The following LOC128071544 variants were observed in gnomAD, a reference collection of about 807,000 sequenced individuals.
At chr1:147,611,769 C>A in the LOC128071544 span, 1 of 1,524,644 alleles carries the variant, frequency 6.6e-7, no homozygotes, top group South Asian at 1.1e-5. Context: ...GCAGCTGTTT[C>A]TGCTGCAACC....
the LOC128071544 span, chr1:147,611,740 GCCAGTGCCACTGCCC>G: frequency 5.8e-6 from 7 of 1,204,022 alleles, no homozygotes; most frequent in Non-Finnish European, 8.6e-6. Context: ...CAAGCAGTGG[GCCAGTGCCACTGCCC>G]CCAGCAGCTG....
chr1:147,611,791 C>CG, the LOC128071544 span: 1 of 1,594,112 alleles, frequency 6.3e-7, no homozygotes, highest in Non-Finnish European at 8.6e-7. Context: ...GAGAGGAACT[C>CG]GGTGAGCCTG....
the LOC128071544 span, chr1:147,611,775 C>A: frequency 4.5e-6 from 7 of 1,551,570 alleles, no homozygotes; most frequent in Non-Finnish European, 6.2e-6. Context: ...GTTTCTGCTG[C>A]AACCCGAGAG....
At chr1:147,611,605 C>G in the LOC128071544 span, 2 of 552,320 alleles carry the variant, frequency 3.6e-6, no homozygotes, top group Non-Finnish European at 3.3e-6. Context: ...AGATTTTCCT[C>G]TGGCAGCAGG....
the LOC128071544 span, chr1:147,611,713 C>G: frequency 1.1e-6 from 1 of 898,440 alleles, no homozygotes; most frequent in Admixed American, 2.0e-5. Flanking sequence ...GCAGCGAGCG[C>G]TAAGGGACGC....
chr1:147,611,758 A>C, the LOC128071544 span: 5 of 1,429,082 alleles, frequency 3.5e-6, no homozygotes, highest in Admixed American at 8.4e-5. Context: ...CACTGCCCCC[A>C]GCAGCTGTTT....
At chr1:147,611,643 T>C in the LOC128071544 span, 1 of 587,550 alleles carries the variant, frequency 1.7e-6, no homozygotes, top group South Asian at 2.3e-5. Context: ...ATGCTGGAGC[T>C]GCAAGGGGAA....
chr1:147,611,750 C>T, the LOC128071544 span: 1 of 1,364,714 alleles, frequency 7.3e-7, no homozygotes, highest in African/African-American at 1.4e-5. Context: ...GCCAGTGCCA[C>T]TGCCCCCAGC....
the LOC128071544 span, chr1:147,611,711 C>A: frequency 1.2e-6 from 1 of 850,832 alleles, no homozygotes; most frequent in Non-Finnish European, 2.0e-6. Flanking sequence ...AGGCAGCGAG[C>A]GCTAAGGGAC....
the LOC128071544 span, chr1:147,611,708 G>C: frequency 1.2e-6 from 1 of 811,420 alleles, no homozygotes; most frequent in Middle Eastern, 3.1e-4. Context: ...TACAGGCAGC[G>C]AGCGCTAAGG....
chr1:147,611,708 GAGCGCTAAGGGACGCACCCAGCA>G, the LOC128071544 span: 1 of 811,420 alleles, frequency 1.2e-6, no homozygotes, highest in Non-Finnish European at 2.1e-6. Flanking sequence ...TACAGGCAGC[GAGCGCTAAGGGACGCACCCAGCA>G]AGCAGTGGGC....
the LOC128071544 span, chr1:147,611,700 C>T: frequency 4.0e-6 from 3 of 743,762 alleles, no homozygotes; most frequent in Non-Finnish European, 7.0e-6. Flanking sequence ...AAAAGGCATA[C>T]AGGCAGCGAG....
the LOC128071544 span, chr1:147,611,607 G>A: frequency 3.6e-6 from 2 of 551,038 alleles, no homozygotes; most frequent in Admixed American, 3.1e-5. Context: ...ATTTTCCTCT[G>A]GCAGCAGGAG....
the LOC128071544 span, chr1:147,611,712 G>T: frequency 1.2e-6 from 1 of 866,732 alleles, no homozygotes; most frequent in Admixed American, 2.0e-5. Flanking sequence ...GGCAGCGAGC[G>T]CTAAGGGACG....
At chr1:147,611,742 C>T in the LOC128071544 span, 1 of 1,232,302 alleles carries the variant, frequency 8.1e-7, no homozygotes, top group African/African-American at 1.5e-5. Context: ...AGCAGTGGGC[C>T]AGTGCCACTG....
chr1:147,611,696 C>A, the LOC128071544 span: 47 of 715,874 alleles, frequency 6.6e-5, 1 homozygote, highest in Middle Eastern at 1.8e-3. Context: ...AGGAAAAAGG[C>A]ATACAGGCAG....
the LOC128071544 span, chr1:147,611,781 G>A: frequency 1.7e-5 from 26 of 1,573,216 alleles, no homozygotes; most frequent in Admixed American, 3.3e-5. Flanking sequence ...GCTGCAACCC[G>A]AGAGGAACTC....
chr1:147,611,668 C>A, the LOC128071544 span: 3 of 627,692 alleles, frequency 4.8e-6, no homozygotes, highest in Non-Finnish European at 8.6e-6. Context: ...CCCACTTCCA[C>A]AGCAGAGAAA....
the LOC128071544 span, chr1:147,611,622 G>C: frequency 1.8e-6 from 1 of 565,162 alleles, no homozygotes; most frequent in Non-Finnish European, 3.2e-6. Context: ...CAGGAGGCAC[G>C]CACCCAGAGA....
Sources: allele counts gnomAD v4.1 joint callset, GRCh38; gene constraint gnomAD v4.1.1; transcripts MANE v1.5.